The following GANC variants were observed in gnomAD, a reference collection of about 807,000 sequenced individuals.
GANC encodes neutral alpha-glucosidase C.
GANC carries 117 observed loss-of-function variants against 124.2 expected under a neutral mutation model. The ratio of observed to expected loss-of-function variants is 0.94; its 90% CI spans 0.81 to 1.10. GANC has a LOEUF of 1.10. GANC is among the 50% of genes least tolerant of loss of function. The pLI, the probability that GANC is intolerant of heterozygous loss-of-function variation, is 0.00. For missense variants in GANC, 1,140 were observed against 1,095.0 expected (o/e 1.04, Z -0.58); for synonymous variants, 377 against 376.8 (o/e 1.00, Z -0.01).
chr15:42,294,347 G>A (rs2051870950), intron 5 of GANC, among the ~76,000 whole-genome samples: 1 of 151,276 alleles, frequency 6.6e-6, no homozygotes, highest in South Asian at 2.1e-4. Flanking sequence ...GCCGAGGCAG[G>A]TGGATCACCT....
intron 3 of GANC, chr15:42,283,886 G>A (rs2051760085): frequency 1.0e-5 from 7 of 702,510 alleles, no homozygotes; most frequent in Admixed American, 6.0e-5. Flanking sequence ...TGTCCTTGGG[G>A]AACAGGCCAG....
At chr15:42,276,241 A>G in intron 1 of GANC, 107 bp from the exon 2 acceptor site, 1 of 631,752 alleles carries the variant, frequency 1.6e-6, no homozygotes, top group Non-Finnish European at 2.9e-6. Flanking sequence ...TGCAGAATAG[A>G]CTCCAAAGGT....
At chr15:42,331,648 G>A (rs1299695270) in intron 15 of GANC, among the ~76,000 whole-genome samples, 1 of 152,090 alleles carries the variant, frequency 6.6e-6, no homozygotes, top group Non-Finnish European at 1.5e-5. Context: ...ACAATCTCAG[G>A]CAAAGATTCA....
At chr15:42,294,586 A>AC (rs1190594733) in intron 5 of GANC, among the ~76,000 whole-genome samples, 1 of 150,870 alleles carries the variant, frequency 6.6e-6, no homozygotes, top group African/African-American at 2.5e-5. Context: ...AAAAAAAAAA[A>AC]AAAAAAAGTA....
intron 10 of GANC, among the ~76,000 whole-genome samples, chr15:42,318,994 C>A (rs1441281435): frequency 6.6e-6 from 1 of 152,088 alleles, no homozygotes; most frequent in East Asian, 1.9e-4. Flanking sequence ...TTGTATTATT[C>A]CTTAGATTAA....
In GANC at chr15:42,273,394, G is replaced by C. The variant is rs373908111; in HGVS notation, c.-1088G>C. On this transcript the variant is annotated 5_prime_UTR_variant, in exon 1 of 24. Transcript: ENST00000318010. ...CAACACCTGAAGCCACGCAGCCGCC[G>C]CCATCTTCACAGCCGTGGAGTGCCT... is the stretch of plus-strand genomic sequence containing the variant. The C allele has an allele frequency of 6.2e-7, 1 of 1,613,962 alleles. No individual in the cohort carries two copies. Among genetic ancestry groups the C allele is most frequent in the Admixed American group, 1.7e-5 (1 of 60,022 alleles).
Position 42,338,412 on chromosome 15 carries a change from A to G in GANC, c.1765A>G (p.Thr589Ala). 1 of 1,614,058 alleles carries G rather than the reference A, an allele frequency of 6.2e-7. No homozygotes were observed. Among genetic ancestry groups the G allele is most frequent in the Non-Finnish European group, 8.5e-7 (1 of 1,179,916 alleles). ...AGGTGCCGTGTGGACAGGCGACAAC[A>G]CAGCAGAATGGAGCAACTTGAAAAT... ...KYGAVWTGDN[T>A]AEWSNLKISI... Residue 589 changes from threonine (T) to alanine (A), a missense_variant, in exon 16 of 24, where the codon ACA becomes GCA. By Grantham distance (58) the Thr-to-Ala change is moderately conservative. Coordinates refer to ENST00000318010, the MANE Select transcript of GANC (RefSeq NM_198141.3).
intron 10 of GANC, chr15:42,314,338 G>A: frequency 1.8e-6 from 1 of 564,870 alleles, no homozygotes; most frequent in Non-Finnish European, 3.2e-6. Flanking sequence ...GTGGCCATGG[G>A]ATTGGGGATC....
At chr15:42,342,444 C>T (rs1370195974) in intron 18 of GANC, among the ~76,000 whole-genome samples, 6 of 151,948 alleles carry the variant, frequency 3.9e-5, no homozygotes, top group Non-Finnish European at 8.8e-5. Context: ...TAGCTGGGCA[C>T]GTTGGGTGTG....
rs961456056 is a variant in GANC at position 42,273,304 on chromosome 15, G to A, written c.-1178G>A. ...GGACCGGTCGGCAGCAGCTACGGTTGCCGGTCCCGCACTGAAAAACGACAG... is the reference window on the plus strand; with the variant it reads ...GGACCGGTCGGCAGCAGCTACGGTTACCGGTCCCGCACTGAAAAACGACAG... On this transcript the variant is annotated 5_prime_UTR_variant, in exon 1 of 24. Coordinates refer to ENST00000318010, the MANE Select transcript of GANC (RefSeq NM_198141.3). 1 of 1,614,178 alleles carries A rather than the reference G, an allele frequency of 6.2e-7. No individual in the cohort carries two copies. The highest frequency in any genetic ancestry group is 8.5e-7 in the Non-Finnish European group (1 of 1,180,034).
chr15:42,326,316 C>A lies in GANC; in HGVS notation c.1312C>A (p.Pro438Thr). 1 of 1,611,272 alleles carries A rather than the reference C, an allele frequency of 6.2e-7. No homozygotes were observed. Among genetic ancestry groups the A allele is most frequent in the East Asian group, 2.2e-5 (1 of 44,858 alleles). ...KKRKLVVISD[P>T]HIKIDPDYSV... ...CTGACAGCTTGTGGTCATCAGTGAT[C>A]CCCACATCAAGATTGATCCTGACTA... Residue 438 changes from proline (P) to threonine (T), a missense_variant, in exon 12 of 24, where the codon CCC becomes ACC. By Grantham distance (38) the Pro-to-Thr change is conservative. Coordinates refer to ENST00000318010, the MANE Select transcript of GANC (RefSeq NM_198141.3).
rs2051602609 is a variant in GANC, at chr15:42,273,370, A to G, written c.-1112A>G. On this transcript the variant is annotated 5_prime_UTR_variant, in exon 1 of 24. Transcript: ENST00000318010. ...TCCCAGAAGCAGAAGAATGACAGGC[A>G]ACACCTGAAGCCACGCAGCCGCCGC... 2 of 1,613,958 alleles carry G rather than the reference A, an allele frequency of 1.2e-6. No individual in the cohort carries two copies. The highest frequency in any genetic ancestry group is 1.1e-5 in the South Asian group (1 of 91,082).
At chr15:42,278,677 A>C (rs2051701042) in intron 3 of GANC, 87 bp downstream of exon 3, 1 of 903,842 alleles carries the variant, frequency 1.1e-6, no homozygotes, top group Non-Finnish European at 1.7e-6. Context: ...TGTATGCTTC[A>C]AAAATAAACC....
intron 8 of GANC, among the ~76,000 whole-genome samples, chr15:42,309,105 T>C (rs1014835779): frequency 6.6e-6 from 1 of 152,112 alleles, no homozygotes; most frequent in Non-Finnish European, 1.5e-5. Flanking sequence ...TATTGACAAA[T>C]AGATGCCCGA....
At chr15:42,322,350 C>G (rs1050079783) in intron 11 of GANC, among the ~76,000 whole-genome samples, 2 of 152,142 alleles carry the variant, frequency 1.3e-5, no homozygotes, top group Non-Finnish European at 2.9e-5. Context: ...CACACTTGCA[C>G]TAAGAGTATA....
chr15:42,288,233 T>TA (rs1223709047), intron 4 of GANC, among the ~76,000 whole-genome samples: 1 of 152,184 alleles, frequency 6.6e-6, no homozygotes, highest in African/African-American at 2.4e-5. Context: ...CTCCCATACT[T>TA]ACAGTAATTT....
At chr15:42,351,169 G>T (rs971074571) in intron 22 of GANC, among the ~76,000 whole-genome samples, 160 bp from the exon 23 acceptor site, 1 of 152,096 alleles carries the variant, frequency 6.6e-6, no homozygotes, top group African/African-American at 2.4e-5. Flanking sequence ...ACCGTGCCTG[G>T]GTCTTTTATT....
At chr15:42,286,623 G>A (rs973371039) in intron 3 of GANC, among the ~76,000 whole-genome samples, 3 of 152,174 alleles carry the variant, frequency 2.0e-5, no homozygotes, top group East Asian at 3.9e-4. Flanking sequence ...CACAGCCATA[G>A]CACTGTTTAC....
Position 42,297,646 on chromosome 15 carries a change from A to T in GANC, c.548A>T (p.Asp183Val). ...GAAAATGAGGAGGAGACATCAGTGG[A>T]CACCTCTCAGGTAATCTAGATTGAT... Reference protein sequence around the residue: ...AKENEEETSVDTSQENQEDLG... With the variant: ...AKENEEETSVVTSQENQEDLG... Residue 183 changes from aspartate (D) to valine (V), a missense_variant, in exon 6 of 24, where the codon GAC (aspartate) becomes GTC (valine). Transcript: ENST00000318010. 1 of 1,609,912 alleles carries T rather than the reference A, an allele frequency of 6.2e-7. No homozygotes were observed. Among genetic ancestry groups the T allele is most frequent in the Non-Finnish European group, 8.5e-7 (1 of 1,176,830 alleles).
Sources: allele counts gnomAD v4.1 joint callset (sites outside exome capture counted in the v4.1 genomes callset), GRCh38; gene constraint gnomAD v4.1.1; transcripts MANE v1.5; gene names NCBI Gene and HGNC (gene_info 2026-07-23, HGNC 2026-07-21).